Variants in PAXBP1 observed in about 807,000 individuals in gnomAD.
PAXBP1 encodes the protein PAX3 and PAX7 binding protein 1.
Under a neutral mutation model 119.9 loss-of-function variants are expected in PAXBP1, and 44 were observed. That is an observed-to-expected ratio of 0.37 (90% confidence interval 0.29 to 0.47). PAXBP1 has a LOEUF of 0.47. PAXBP1 is among the 20% of genes least tolerant of loss of function. The pLI is 0.99. For synonymous variants in PAXBP1, 393 were observed against 406.6 expected (o/e 0.97, Z 0.40); for missense variants, 898 against 1,134.1 (o/e 0.79, Z 2.99).
intron 8 of PAXBP1, 139 bp downstream of exon 8, chr21:32,755,091 G>T: frequency 2.9e-6 from 3 of 1,022,834 alleles, no homozygotes; most frequent in Non-Finnish European, 2.7e-6. Context: ...ACCATTTTTA[G>T]ATCTACCTGA....
At chr21:32,759,347 T>G in intron 6 of PAXBP1, 78 bp from the exon 7 acceptor site, 1 of 1,291,170 alleles carries the variant, frequency 7.7e-7, no homozygotes, top group Non-Finnish European at 1.1e-6. Context: ...AATATTAAAA[T>G]ATGCATTTAG....
chr21:32,756,093 A>C (rs919527671), intron 7 of PAXBP1: 3 of 216,886 alleles, frequency 1.4e-5, no homozygotes, highest in African/African-American at 4.8e-5. Context: ...AAAGTCAATA[A>C]TTTTTCCAGG....
At chr21:32,766,168 T>C (rs1375714329) in intron 2 of PAXBP1, among the ~76,000 whole-genome samples, 1 of 152,140 alleles carries the variant, frequency 6.6e-6, no homozygotes, top group Non-Finnish European at 1.5e-5. Flanking sequence ...GCTAAACCAA[T>C]GGCTGTTAAT....
intron 16 of PAXBP1, among the ~76,000 whole-genome samples, chr21:32,737,712 G>C (rs989985005): frequency 1.3e-5 from 2 of 152,032 alleles, no homozygotes; most frequent in African/African-American, 4.8e-5. Flanking sequence ...CTTCTAGGAT[G>C]GCCTAAATAT....
In PAXBP1 at chr21:32,759,253, C is replaced by A. The variant is rs1246286363; in HGVS notation, c.1210G>T (p.Glu404Ter). ...QLKDRLDSMK[E>*]LHKTNRQQHE... ...TGCTGTCGATTTGTTTTGTGCAATT[C>A]TTTCATGGAGTCCAACCTTAGGAAC... The change falls in exon 7 of 18, where the codon GAA becomes TAA. Residue 404 changes from glutamate (E) to a stop codon, truncating the protein, a stop_gained. Transcript: ENST00000331923. LOFTEE classifies it high-confidence loss of function. 1 of 1,613,798 alleles carries A rather than the reference C, an allele frequency of 6.2e-7. No individual in the cohort carries two copies.
intron 11 of PAXBP1, among the ~76,000 whole-genome samples, chr21:32,746,299 G>C (rs2043870884): frequency 6.6e-6 from 1 of 152,136 alleles, no homozygotes; most frequent in Non-Finnish European, 1.5e-5. Context: ...CTTCTACGCA[G>C]CAAAAGAAAC....
chr21:32,756,063 T>G (rs1601599841), intron 7 of PAXBP1: 1 of 207,420 alleles, frequency 4.8e-6, no homozygotes, highest in East Asian at 1.7e-4. Context: ...AAAATTTCTT[T>G]ACATGAATTG....
intron 1 of PAXBP1, 90 bp downstream of exon 1, chr21:32,771,236 G>C: frequency 8.2e-7 from 1 of 1,222,170 alleles, no homozygotes. Flanking sequence ...CAGGGCTCCG[G>C]GGCTGGGCGT....
rs567183906 is a variant in PAXBP1, at chr21:32,761,231, G to A, written c.872-69C>T. On this transcript the variant is annotated intron_variant, in intron 4 of 17. Transcript: ENST00000331923. Reference sequence around the variant, plus strand: ...GCAAAGAGGTAAAAGATGCTGTCCTGACATTTCACAAGAACTGAGCAAAAC... The same window carrying A: ...GCAAAGAGGTAAAAGATGCTGTCCTAACATTTCACAAGAACTGAGCAAAAC... 3.4e-6 allele frequency: 4 copies of A among 1,181,292 alleles called. No individual in the cohort carries two copies. In the South Asian group the frequency reaches 3.7e-5, roughly 11 times the overall value. The allele number at this position is 1,181,292 out of a possible 1,614,324, so 73.2% of individuals were successfully genotyped here.
chr21:32,770,026 C>A, intron 1 of PAXBP1, 84 bp from the exon 2 acceptor site: 1 of 933,576 alleles, frequency 1.1e-6, no homozygotes, highest in Non-Finnish European at 1.6e-6. Context: ...ACGTGCTGTC[C>A]AAATTATCCC....
intron 17 of PAXBP1, among the ~76,000 whole-genome samples, 155 bp downstream of exon 17, chr21:32,737,099 T>C (rs1241564803): frequency 1.3e-5 from 2 of 152,210 alleles, no homozygotes; most frequent in African/African-American, 4.8e-5. Flanking sequence ...TAAAAACTGC[T>C]AAAATGAAAA....
Position 32,751,222 on chromosome 21 carries a change from C to CA in PAXBP1, c.1508-5dup. ...TTTGGTGCCATCAGAGCTTTGTCTG[C>CA]AAAACAACAACAGTTAAAATTAAAA... On this transcript the variant is annotated splice_polypyrimidine_tract_variant and splice_region_variant and intron_variant, in intron 8 of 17. Transcript: ENST00000331923. 1 of 1,613,306 alleles carries CA rather than the reference C, an allele frequency of 6.2e-7. No individual in the cohort carries two copies.
intron 7 of PAXBP1, among the ~76,000 whole-genome samples, chr21:32,756,965 G>A (rs1399963619): frequency 6.6e-6 from 1 of 152,082 alleles, no homozygotes; most frequent in Non-Finnish European, 1.5e-5. Flanking sequence ...TCAAGAGTCT[G>A]CACCGTGACA....
intron 2 of PAXBP1, among the ~76,000 whole-genome samples, chr21:32,764,855 C>T (rs1289615725): frequency 6.6e-6 from 1 of 152,168 alleles, no homozygotes; most frequent in Non-Finnish European, 1.5e-5. Flanking sequence ...ACTGTTTTTT[C>T]TGCTAAACTC....
At chr21:32,743,115 A>G in intron 15 of PAXBP1, 133 bp downstream of exon 15, 2 of 756,466 alleles carry the variant, frequency 2.6e-6, no homozygotes, top group South Asian at 3.0e-5. Context: ...AATACTTTGT[A>G]AAATGGAGAT....
chr21:32,750,618 A>G (rs571242433), intron 10 of PAXBP1, among the ~76,000 whole-genome samples: 7 of 152,222 alleles, frequency 4.6e-5, no homozygotes, highest in Non-Finnish European at 8.8e-5. Context: ...GACAGGCTGC[A>G]ATGAGAGCTG....
chr21:32,769,351 T>A (rs1174842459), intron 2 of PAXBP1, among the ~76,000 whole-genome samples: 1 of 152,106 alleles, frequency 6.6e-6, no homozygotes, highest in Non-Finnish European at 1.5e-5. Context: ...CAGATAAGGC[T>A]GCTGAATGGG....
intron 2 of PAXBP1, 152 bp from the exon 3 acceptor site, chr21:32,764,676 T>A: frequency 1.7e-6 from 1 of 575,584 alleles, no homozygotes; most frequent in Non-Finnish European, 2.9e-6. Flanking sequence ...AAGCTTGAAT[T>A]AATTGTTTGT....
At chr21:32,770,697 C>A (rs1402155223) in intron 1 of PAXBP1, among the ~76,000 whole-genome samples, 1 of 152,196 alleles carries the variant, frequency 6.6e-6, no homozygotes, top group Non-Finnish European at 1.5e-5. Context: ...ATTGGAGAAA[C>A]TACCTTGCTT....
Sources: allele counts gnomAD v4.1 joint callset (sites outside exome capture counted in the v4.1 genomes callset), GRCh38; gene constraint gnomAD v4.1.1; transcripts MANE v1.5; gene names NCBI Gene and HGNC (gene_info 2026-07-23, HGNC 2026-07-21).